FHIP1A: variants seen among roughly 807,000 people sequenced by gnomAD.
FHIP1A encodes the protein FHF complex subunit HOOK interacting protein 1A, also known as FHF complex subunit HOOK-interacting protein 1A.
Under a neutral mutation model 88.6 loss-of-function variants are expected in FHIP1A, and 61 were observed. That is an observed-to-expected ratio of 0.69 (90% CI 0.56 to 0.85). The LOEUF (loss-of-function observed/expected upper bound fraction) is 0.85. Ranked by LOEUF, FHIP1A falls within the 40% of genes least tolerant of loss-of-function variation. The pLI is 0.00. For synonymous variants in FHIP1A, 478 were observed against 496.0 expected (o/e 0.96, Z 0.48); for missense variants, 1,154 against 1,273.5 (o/e 0.91, Z 1.43).
At chr4:151,647,736 A>G (rs1230481786) in intron 10 of FHIP1A, among the ~76,000 whole-genome samples, 1 of 152,182 alleles carries the variant, frequency 6.6e-6, no homozygotes, top group Non-Finnish European at 1.5e-5. Flanking sequence ...CCTAAAAGTT[A>G]TTTTTTAAAA....
chr4:151,584,322 C>G (rs1057217282), intron 5 of FHIP1A, among the ~76,000 whole-genome samples: 1 of 152,112 alleles, frequency 6.6e-6, no homozygotes, highest in African/African-American at 2.4e-5. Context: ...AGAAGATAGG[C>G]AATACACTAA....
intron 5 of FHIP1A, among the ~76,000 whole-genome samples, chr4:151,578,993 C>G (rs969026135): frequency 6.6e-6 from 1 of 152,122 alleles, no homozygotes; most frequent in Non-Finnish European, 1.5e-5. Context: ...AGAAGCCAAT[C>G]TGAAAAGGCT....
intron 3 of FHIP1A, among the ~76,000 whole-genome samples, chr4:151,555,291 C>G (rs1181120108): frequency 6.6e-5 from 10 of 152,126 alleles, no homozygotes; most frequent in Non-Finnish European, 7.4e-5. Context: ...AAAAAACATA[C>G]TTTTCTTGGG....
intron 8 of FHIP1A, among the ~76,000 whole-genome samples, chr4:151,636,633 G>A (rs1007445929): frequency 6.6e-6 from 1 of 151,882 alleles, no homozygotes; most frequent in African/African-American, 2.4e-5. Flanking sequence ...CAAAAGAAGT[G>A]CAAAACTTGT....
At chr4:151,502,367 A>G (rs1730685196) in intron 3 of FHIP1A, among the ~76,000 whole-genome samples, 1 of 152,006 alleles carries the variant, frequency 6.6e-6, no homozygotes, top group Admixed American at 6.6e-5. Flanking sequence ...AAAGGAAATC[A>G]GGAGAACAAT....
At chr4:151,470,513 G>A (rs1729471109) in intron 2 of FHIP1A, among the ~76,000 whole-genome samples, 2 of 152,116 alleles carry the variant, frequency 1.3e-5, no homozygotes, top group Admixed American at 1.3e-4. Flanking sequence ...AGGTATTAGT[G>A]GAGTGTGGGT....
At chr4:151,435,770 G>C (rs1326045472) in intron 1 of FHIP1A, among the ~76,000 whole-genome samples, 2 of 139,740 alleles carry the variant, frequency 1.4e-5, no homozygotes, top group Non-Finnish European at 3.1e-5. Flanking sequence ...GGGTGACAGA[G>C]TGAAACTCTG....
intron 1 of FHIP1A, among the ~76,000 whole-genome samples, chr4:151,412,173 G>C (rs756676975): frequency 6.6e-6 from 1 of 151,464 alleles, no homozygotes; most frequent in East Asian, 1.9e-4. Flanking sequence ...GTGTGATCTC[G>C]GCTCACTGCA....
chr4:151,416,036 G>T (rs1732879909), intron 1 of FHIP1A, among the ~76,000 whole-genome samples: 2 of 152,100 alleles, frequency 1.3e-5, no homozygotes, highest in Admixed American at 1.3e-4. Flanking sequence ...AGAATGCAGA[G>T]TGTATTTTAG....
intron 6 of FHIP1A, 40 bp downstream of exon 6, chr4:151,586,839 A>T (rs1734236241): frequency 1.4e-6 from 2 of 1,445,418 alleles, no homozygotes; most frequent in Non-Finnish European, 1.9e-6. Context: ...CTATGGCTTC[A>T]TTCAGAGCAC....
At chr4:151,518,778 G>A (rs1731347804) in intron 3 of FHIP1A, among the ~76,000 whole-genome samples, 1 of 151,216 alleles carries the variant, frequency 6.6e-6, no homozygotes, top group African/African-American at 2.4e-5. Context: ...TCATACCTTA[G>A]CCTCCCGAAT....
At chr4:151,658,631 G>A (rs748188168) in intron 13 of FHIP1A, among the ~76,000 whole-genome samples, 4 of 152,190 alleles carry the variant, frequency 2.6e-5, no homozygotes, top group Admixed American at 6.5e-5. Flanking sequence ...GAGGGCCAGC[G>A]CAGATTGAAG....
chr4:151,512,302 A>G (rs1030608005), intron 3 of FHIP1A, among the ~76,000 whole-genome samples: 1 of 152,198 alleles, frequency 6.6e-6, no homozygotes, highest in Non-Finnish European at 1.5e-5. Flanking sequence ...CACCATCATC[A>G]AAGACCAAAA....
intron 7 of FHIP1A, among the ~76,000 whole-genome samples, chr4:151,616,963 G>A (rs1735558173): frequency 6.6e-6 from 1 of 151,738 alleles, no homozygotes; most frequent in Non-Finnish European, 1.5e-5. Flanking sequence ...GGCCAGGCTA[G>A]CCTTGAACTC....
chr4:151,533,910 A>G (rs1235158140), intron 3 of FHIP1A, among the ~76,000 whole-genome samples: 1 of 152,260 alleles, frequency 6.6e-6, no homozygotes, highest in African/African-American at 2.4e-5. Context: ...TTTGTAATCA[A>G]TCATTCATCA....
intron 3 of FHIP1A, among the ~76,000 whole-genome samples, chr4:151,527,453 C>T (rs905609564): frequency 9.9e-5 from 15 of 152,100 alleles, no homozygotes; most frequent in African/African-American, 3.1e-4. Flanking sequence ...AGGGAGGTTG[C>T]AGTGAGCCGA....
intron 7 of FHIP1A, among the ~76,000 whole-genome samples, chr4:151,629,458 G>A (rs1285544141): frequency 6.6e-6 from 1 of 152,158 alleles, no homozygotes; most frequent in Non-Finnish European, 1.5e-5. Context: ...AGAGTTACCA[G>A]AACACTTGAA....
intron 1 of FHIP1A, among the ~76,000 whole-genome samples, chr4:151,417,415 G>C (rs901862579): frequency 5.3e-5 from 8 of 152,212 alleles, no homozygotes; most frequent in Admixed American, 3.3e-4. Context: ...TGTGGAAAGT[G>C]ACCAATCAGA....
At chr4:151,660,281 A>G (rs1374330013) in intron 13 of FHIP1A, among the ~76,000 whole-genome samples, 1 of 152,242 alleles carries the variant, frequency 6.6e-6, no homozygotes, top group Admixed American at 6.5e-5. Flanking sequence ...TTCTGCCTTC[A>G]TTAGTGAAGA....
Sources: allele counts gnomAD v4.1 joint callset (sites outside exome capture counted in the v4.1 genomes callset), GRCh38; gene constraint gnomAD v4.1.1; transcripts MANE v1.5; gene names NCBI Gene and HGNC (gene_info 2026-07-23, HGNC 2026-07-21).